Variants in ATG5 observed in about 807,000 individuals in gnomAD.
ATG5 encodes autophagy protein 5.
In ATG5, 14 loss-of-function variants were observed where a neutral mutation model predicts 36.5. The ratio of observed to expected loss-of-function variants is 0.38; its 90% CI spans 0.25 to 0.60. The LOEUF (loss-of-function observed/expected upper bound fraction) is 0.60. Ranked by LOEUF, ATG5 falls within the 20% of genes least tolerant of loss-of-function variation. The pLI, the probability that ATG5 is intolerant of heterozygous loss-of-function variation, is 0.60. For missense variants in ATG5, 195 were observed against 326.7 expected (o/e 0.60, Z 3.11); for synonymous variants, 95 against 101.5 (o/e 0.94, Z 0.38).
At chr6:106,299,759 T>C (rs1770130699) in intron 3 of ATG5, among the ~76,000 whole-genome samples, 1 of 152,256 alleles carries the variant, frequency 6.6e-6, no homozygotes, top group African/African-American at 2.4e-5. Context: ...CTAGTATAAA[T>C]ATCTGTACTC....
chr6:106,193,445 A>C (rs1158632339), intron 7 of ATG5, among the ~76,000 whole-genome samples: 1 of 152,168 alleles, frequency 6.6e-6, no homozygotes, highest in Admixed American at 6.6e-5. Flanking sequence ...TTTTGCTTAT[A>C]ATCTCTGTAT....
intron 6 of ATG5, among the ~76,000 whole-genome samples, chr6:106,210,757 T>C (rs981375737): frequency 6.6e-6 from 1 of 152,238 alleles, no homozygotes; most frequent in Non-Finnish European, 1.5e-5. Context: ...GTATCATCTA[T>C]AAAATGAGGA....
At chr6:106,220,199 T>C (rs1582566248) in intron 6 of ATG5, among the ~76,000 whole-genome samples, 1 of 152,156 alleles carries the variant, frequency 6.6e-6, no homozygotes. Flanking sequence ...AAGAAGCAAC[T>C]TGCCTAAAGA....
At chr6:106,303,331 C>A (rs1770290174) in intron 3 of ATG5, among the ~76,000 whole-genome samples, 1 of 151,976 alleles carries the variant, frequency 6.6e-6, no homozygotes, top group African/African-American at 2.4e-5. Context: ...CAAACCAACT[C>A]CCCAAAACCC....
At chr6:106,195,130 T>C (rs889005526) in intron 7 of ATG5, among the ~76,000 whole-genome samples, 1 of 152,170 alleles carries the variant, frequency 6.6e-6, no homozygotes, top group African/African-American at 2.4e-5. Flanking sequence ...AGCTCATCAT[T>C]AGTTACTCCA....
chr6:106,194,545 CTTTTT>C (rs3216460), intron 7 of ATG5, among the ~76,000 whole-genome samples: 25 of 139,026 alleles, frequency 1.8e-4, no homozygotes, highest in Middle Eastern at 3.6e-3. Flanking sequence ...TTTTCTTTTT[CTTTTT>C]TTTTTGAGAT....
intron 2 of ATG5, among the ~76,000 whole-genome samples, chr6:106,309,786 G>A (rs1454121646): frequency 6.6e-6 from 1 of 152,092 alleles, no homozygotes; most frequent in African/African-American, 2.4e-5. Context: ...CAAACTAGCT[G>A]TTTTCAAAAA....
At chr6:106,261,954 A>G (rs1439146187) in intron 5 of ATG5, among the ~76,000 whole-genome samples, 1 of 152,196 alleles carries the variant, frequency 6.6e-6, no homozygotes, top group African/African-American at 2.4e-5. Context: ...ATCCAGTCCA[A>G]AAAAGTCAAC....
chr6:106,203,882 T>G, intron 6 of ATG5, among the ~76,000 whole-genome samples: 1 of 152,154 alleles, frequency 6.6e-6, no homozygotes, highest in Non-Finnish European at 1.5e-5. Flanking sequence ...GAGGTATACC[T>G]CAACATATTT....
intron 1 of ATG5, among the ~76,000 whole-genome samples, chr6:106,319,984 T>C (rs886776929): frequency 3.3e-5 from 5 of 152,206 alleles, no homozygotes; most frequent in Admixed American, 1.3e-4. Flanking sequence ...AAATATCAAG[T>C]AACTCCAGAA....
At chr6:106,251,767 GAAGAA>G (rs934180351) in intron 5 of ATG5, among the ~76,000 whole-genome samples, 7 of 148,980 alleles carry the variant, frequency 4.7e-5, no homozygotes, top group African/African-American at 1.3e-4. Flanking sequence ...AAAAAGAAAA[GAAGAA>G]AAGAAAAGGA....
At chr6:106,261,046 C>A (rs1228233808) in intron 5 of ATG5, among the ~76,000 whole-genome samples, 1 of 152,170 alleles carries the variant, frequency 6.6e-6, no homozygotes, top group East Asian at 1.9e-4. Context: ...TCTAGCCATC[C>A]ATACCCTAGA....
At chr6:106,190,404 A>G (rs569239004) in intron 7 of ATG5, among the ~76,000 whole-genome samples, 6 of 152,232 alleles carry the variant, frequency 3.9e-5, no homozygotes, top group African/African-American at 9.6e-5. Flanking sequence ...ACACCCCCCA[A>G]AAAGCCTCAC....
intron 6 of ATG5, among the ~76,000 whole-genome samples, chr6:106,219,912 A>G (rs1777176987): frequency 6.6e-6 from 1 of 152,156 alleles, no homozygotes; most frequent in Non-Finnish European, 1.5e-5. Flanking sequence ...TTTAATTATA[A>G]TCAAACTCAC....
At chr6:106,232,956 G>A (rs530264896) in intron 6 of ATG5, among the ~76,000 whole-genome samples, 2 of 152,222 alleles carry the variant, frequency 1.3e-5, no homozygotes, top group East Asian at 3.9e-4. Flanking sequence ...TCACCCCAAG[G>A]GTTCAGGGAT....
At chr6:106,201,911 G>A in intron 7 of ATG5, 61 bp downstream of exon 7, 1 of 1,264,466 alleles carries the variant, frequency 7.9e-7, no homozygotes, top group Non-Finnish European at 1.1e-6. Context: ...AATGTGGAAT[G>A]CTTATTTTAC....
intron 5 of ATG5, among the ~76,000 whole-genome samples, chr6:106,248,507 C>T (rs758827420): frequency 7.9e-5 from 12 of 152,080 alleles, no homozygotes; most frequent in African/African-American, 2.2e-4. Flanking sequence ...TATAAACATA[C>T]GACTACTTGT....
intron 6 of ATG5, among the ~76,000 whole-genome samples, chr6:106,218,829 T>A (rs550243770): frequency 6.6e-6 from 1 of 152,274 alleles, no homozygotes; most frequent in East Asian, 1.9e-4. Flanking sequence ...AAACTTTAAA[T>A]GTAAGTTAAT....
intron 3 of ATG5, among the ~76,000 whole-genome samples, chr6:106,298,109 C>T (rs961439684): frequency 1.2e-4 from 18 of 151,518 alleles, no homozygotes; most frequent in Non-Finnish European, 2.2e-4. Context: ...GGATTACAGG[C>T]GCGTACCACC....
Sources: gnomAD v4.1 joint callset for allele counts (sites outside exome capture counted in the v4.1 genomes callset) on GRCh38, gnomAD v4.1.1 for gene constraint, MANE v1.5 for transcripts, NCBI Gene and HGNC (gene_info 2026-07-23, HGNC 2026-07-21) for gene names.